NTRK1: variants seen among roughly 807,000 people sequenced by gnomAD.
The protein encoded by NTRK1 is neurotrophic receptor tyrosine kinase 1, also known as high affinity nerve growth factor receptor.
A neutral mutation model predicts 86.8 loss-of-function variants in NTRK1; 62 were observed. The ratio of observed to expected loss-of-function variants is 0.71; its 90% CI spans 0.58 to 0.88. The LOEUF (loss-of-function observed/expected upper bound fraction) is 0.88. Among genes scored for constraint, NTRK1 ranks in the 40% least tolerant of loss-of-function variants. The probability of loss-of-function intolerance (pLI) is 0.00; values close to 1 mark genes in which losing one functional copy is unlikely to be tolerated. For missense variants in NTRK1, 967 were observed against 1,078.4 expected, an observed-to-expected ratio of 0.90 and a Z score of 1.45; for synonymous variants, 469 against 456.6, an observed-to-expected ratio of 1.03 and a Z score of -0.35.
chr1:156,836,758 A>G (rs61813768), intron 1 of NTRK1, among the ~76,000 whole-genome samples: 98 of 35,626 alleles, frequency 2.8e-3, no homozygotes, highest in Middle Eastern at 0.029. Context: ...ATTTCACAGG[A>G]CTGAATGAGG....
chr1:156,823,064 C>T (rs1654229763), intron 1 of NTRK1, among the ~76,000 whole-genome samples: 1 of 152,206 alleles, frequency 6.6e-6, no homozygotes. Flanking sequence ...GGAATTCTTA[C>T]TGTGTCATCT....
intron 6 of NTRK1, among the ~76,000 whole-genome samples, chr1:156,869,996 T>C (rs952928615): frequency 5.3e-5 from 8 of 152,170 alleles, no homozygotes; most frequent in African/African-American, 1.9e-4. Flanking sequence ...TGGAACCATG[T>C]TGAGGGAGAT....
chr1:156,828,331 ATT>A (rs1371896706), intron 1 of NTRK1, among the ~76,000 whole-genome samples: 10 of 152,242 alleles, frequency 6.6e-5, no homozygotes, highest in Non-Finnish European at 1.3e-4. Flanking sequence ...ACCGTGTCTT[ATT>A]TATGTTGAAT....
At chr1:156,864,973 C>T (rs1026105838) in intron 3 of NTRK1, 174 bp downstream of exon 3, 14 of 686,574 alleles carry the variant, frequency 2.0e-5, no homozygotes, top group Non-Finnish European at 3.7e-5. Context: ...ATGGCATGCT[C>T]TCGCCCCTGA....
At chr1:156,835,536 C>A (rs1446189623) in intron 1 of NTRK1, among the ~76,000 whole-genome samples, 1 of 152,156 alleles carries the variant, frequency 6.6e-6, no homozygotes, top group Non-Finnish European at 1.5e-5. Context: ...AGATATAAAT[C>A]ATCCACAACT....
At chr1:156,836,313 G>A (rs1654599232) in intron 1 of NTRK1, among the ~76,000 whole-genome samples, 1 of 152,222 alleles carries the variant, frequency 6.6e-6, no homozygotes, top group Admixed American at 6.5e-5. Context: ...TGTCCTCAGA[G>A]CTTCCACAGC....
At chr1:156,872,902 C>A (rs1213207973) in intron 7 of NTRK1, among the ~76,000 whole-genome samples, 1 of 152,120 alleles carries the variant, frequency 6.6e-6, no homozygotes, top group East Asian at 1.9e-4. Flanking sequence ...TGGTCTCGAT[C>A]TCCTGACCTC....
intron 1 of NTRK1, chr1:156,816,623 G>A: frequency 6.3e-7 from 1 of 1,575,648 alleles, no homozygotes; most frequent in Non-Finnish European, 8.7e-7. Flanking sequence ...AGGGCAGGGG[G>A]ATGGGGGTCT....
At chr1:156,829,260 T>A (rs1201978911) in intron 1 of NTRK1, among the ~76,000 whole-genome samples, 1 of 152,116 alleles carries the variant, frequency 6.6e-6, no homozygotes, top group Admixed American at 6.5e-5. Context: ...ATTCAAGGTC[T>A]AGGGAGAGTG....
intron 11 of NTRK1, 100 bp downstream of exon 11, chr1:156,875,108 G>A (rs2102913042): frequency 1.1e-6 from 1 of 881,750 alleles, no homozygotes; most frequent in Non-Finnish European, 1.9e-6. Context: ...GTGCACATGG[G>A]AGTTCCAGGG....
In NTRK1 at chr1:156,815,765, G is replaced by A. The variant is rs1006353272; in HGVS notation, c.-137G>A. On this transcript the variant is annotated 5_prime_UTR_variant, in exon 1 of 17. Transcript: ENST00000392302. ...TCAATGCACTGCACCCTGGTCATCT[G>A]CGGACTCAGCCTGAGCTTCCAGAGG... 1.9e-6 allele frequency: 3 copies of A among 1,602,240 alleles called. No individual in the cohort carries two copies. The African/African-American group carries it at 4.0e-5, about 21-fold the overall frequency.
Position 156,873,862 on chromosome 1 carries a change from G to A in NTRK1, c.1080G>A (p.Thr360=), listed in dbSNP as rs2274498. 1.1e-3 allele frequency: 1,797 copies of A among 1,603,020 alleles called. 38 individuals carry two copies. The East Asian group carries it at 0.032, about 29-fold the overall frequency. The change falls in exon 8 of 17, where the codon ACG becomes ACA. Residue 360 remains threonine (T), a synonymous_variant. Transcript: ENST00000524377. ...QPTHVNNGNY[T]LLAANPFGQA... is the part of the protein sequence containing the mutation. ...CCCACGTCAACAACGGCAACTACAC[G>A]CTGCTGGCTGCCAACCCCTTCGGCC...
chr1:156,873,987 C>T (rs1647735602), intron 8 of NTRK1, 28 bp downstream of exon 8: 1 of 1,546,442 alleles, frequency 6.5e-7, no homozygotes, highest in Non-Finnish European at 8.8e-7. Context: ...AACCCTGCCC[C>T]CACTCCTGGG....
At chr1:156,845,692 G>A in intron 2 of NTRK1, 2 of 1,612,092 alleles carry the variant, frequency 1.2e-6, no homozygotes, top group South Asian at 2.2e-5. Context: ...GCCTCCAGCG[G>A]GGGCAGAACC....
intron 7 of NTRK1, among the ~76,000 whole-genome samples, chr1:156,873,425 C>T (rs773616407): frequency 1.8e-4 from 28 of 152,216 alleles, no homozygotes; most frequent in South Asian, 4.2e-4. Flanking sequence ...ATTTTATATG[C>T]CTGCTGCCTG....
At chr1:156,875,390 T>A (rs2102914419) in intron 11 of NTRK1, 130 bp from the exon 12 acceptor site, 1 of 1,265,346 alleles carries the variant, frequency 7.9e-7, no homozygotes, top group Admixed American at 1.7e-5. Context: ...CTGCCTGCTG[T>A]CTCGCTCCCT....
intron 8 of NTRK1, 72 bp downstream of exon 8, chr1:156,874,031 G>A (rs2102906921): frequency 6.9e-7 from 1 of 1,456,784 alleles, no homozygotes; most frequent in South Asian, 1.2e-5. Context: ...TCCTGCTATA[G>A]CCCTGACCCC....
At chr1:156,869,532 G>C (rs1647419773) in intron 6 of NTRK1, among the ~76,000 whole-genome samples, 2 of 152,142 alleles carry the variant, frequency 1.3e-5, no homozygotes, top group South Asian at 4.2e-4. Flanking sequence ...TATTAGTAAG[G>C]GAGGCATAGG....
At chr1:156,843,250 GGTC>G (rs779352173) in intron 2 of NTRK1, 1 of 1,610,702 alleles carries the variant, frequency 6.2e-7, no homozygotes, top group East Asian at 2.2e-5. Flanking sequence ...GGAGGTGGAG[GGTC>G]ACAAAGCGAG....
Sources: allele counts gnomAD v4.1 joint callset (sites outside exome capture counted in the v4.1 genomes callset), GRCh38; gene constraint gnomAD v4.1.1; transcripts MANE v1.5; gene names NCBI Gene and HGNC (gene_info 2026-07-23, HGNC 2026-07-21).